The following FBXO31 variants were observed in gnomAD, a reference collection of about 807,000 sequenced individuals.
FBXO31 encodes the protein F-box only protein 31.
FBXO31 carries 24 observed loss-of-function variants against 54.4 expected under a neutral mutation model. The observed-to-expected ratio is 0.44, with a 90% CI of 0.32 to 0.62. FBXO31 has a LOEUF of 0.62. Among genes scored for constraint, FBXO31 ranks in the 20% least tolerant of loss-of-function variants. The pLI, the probability that FBXO31 is intolerant of heterozygous loss-of-function variation, is 0.05. For missense variants in FBXO31, 665 were observed against 787.1 expected, an observed-to-expected ratio of 0.84 and a Z score of 1.86; for synonymous variants, 388 against 335.6, an observed-to-expected ratio of 1.16 and a Z score of -1.71.
intron 8 of FBXO31, among the ~76,000 whole-genome samples, chr16:87,332,035 C>A (rs903384500): frequency 3.3e-5 from 5 of 152,222 alleles, no homozygotes; most frequent in Non-Finnish European, 5.9e-5. Flanking sequence ...CAACATCAGA[C>A]AGGAAGACAC....
chr16:87,360,398 A>T, intron 1 of FBXO31, 32 bp from the exon 2 acceptor site: 4 of 1,604,248 alleles, frequency 2.5e-6, no homozygotes, highest in Non-Finnish European at 2.6e-6. Flanking sequence ...GAAATTTAAG[A>T]TCAACAACTC....
At chr16:87,348,253 C>T (rs1160154603) in intron 2 of FBXO31, among the ~76,000 whole-genome samples, 1 of 152,224 alleles carries the variant, frequency 6.6e-6, no homozygotes, top group Non-Finnish European at 1.5e-5. Context: ...CCATCAGCCT[C>T]AGCCTCCCAG....
rs904013823 is a variant in FBXO31, at chr16:87,346,989, A to T, written c.489+185T>A. 6.6e-6 allele frequency among the ~76,000 whole-genome samples: 1 copy of T among 152,250 alleles called. No homozygotes were observed. Among genetic ancestry groups the T allele is most frequent in the Non-Finnish European group, 1.5e-5 (1 of 68,042 alleles). The stretch of plus-strand genomic sequence containing the variant: ...CAAGGCCGAAGTGTTGCTCTAAGCA[A>T]ACCTTTGCTCATTTGGAAAATAAAA... On this transcript the variant is annotated intron_variant, in intron 3 of 8. Transcript: ENST00000311635. This position sits in a 1 kb window ranked among gnomAD's most constrained non-coding sequence, Gnocchi z 4.2.
At chr16:87,344,696 C>T (rs979255420) in intron 3 of FBXO31, among the ~76,000 whole-genome samples, 1 of 152,122 alleles carries the variant, frequency 6.6e-6, no homozygotes, top group Non-Finnish European at 1.5e-5. Context: ...TACCCTTCCT[C>T]CACTAAAAGA....
At chr16:87,342,668 A>T (rs1318337989) in intron 5 of FBXO31, among the ~76,000 whole-genome samples, 1 of 152,110 alleles carries the variant, frequency 6.6e-6, no homozygotes, top group Non-Finnish European at 1.5e-5. Context: ...CTGCAGGGGG[A>T]GGGGACCGGC....
chr16:87,332,907 C>A (rs182883704), intron 8 of FBXO31, among the ~76,000 whole-genome samples: 1 of 152,182 alleles, frequency 6.6e-6, no homozygotes. Context: ...ACAGGCGGAC[C>A]CTCAAAACAG....
intron 1 of FBXO31, among the ~76,000 whole-genome samples, chr16:87,378,184 G>C (rs1906913802): frequency 6.7e-6 from 1 of 150,126 alleles, no homozygotes; most frequent in Non-Finnish European, 1.5e-5. Flanking sequence ...AACAAAACCA[G>C]AAATCTATCC....
upstream of FBXO31, among the ~76,000 whole-genome samples, chr16:87,384,782 C>T (rs947233106): frequency 6.6e-6 from 1 of 152,254 alleles, no homozygotes; most frequent in Non-Finnish European, 1.5e-5. Flanking sequence ...ATCGCTTGAT[C>T]CCAGGAGGCC....
Position 87,383,423 on chromosome 16 carries a change from T to C in FBXO31, c.322A>G (p.Arg108Gly). 6.6e-7 allele frequency: 1 copy of C among 1,525,364 alleles called. No homozygotes were observed. Among genetic ancestry groups the C allele is most frequent in the Non-Finnish European group, 8.8e-7 (1 of 1,134,728 alleles). 94.5% of individuals were successfully genotyped at this position (1,525,364 alleles called of 1,614,324 possible). ...RRILHTDTIW[R>G]RRCREEYGVC... is the part of the protein sequence containing the mutation. ...CGCTCACCCTCACGGCAACGCCTCC[T>C]CCAGATGGTGTCGGTGTGGAGGATG... is the stretch of plus-strand genomic sequence containing the variant. The change falls in exon 1 of 9, where the codon AGG (arginine) becomes GGG (glycine). Residue 108 changes from arginine (R) to glycine (G), a missense_variant. This residue lies in a region of FBXO31 where 195 missense variants were observed against 174.8 expected (regional missense o/e 1.12). Transcript: ENST00000311635. This position sits in a 1 kb window ranked among gnomAD's most constrained non-coding sequence, Gnocchi z 4.9.
chr16:87,369,154 T>C (rs914962266), intron 1 of FBXO31, among the ~76,000 whole-genome samples: 4 of 152,142 alleles, frequency 2.6e-5, no homozygotes, highest in African/African-American at 7.2e-5. Context: ...GATTGGAATA[T>C]GTGAAGTGGC....
intron 1 of FBXO31, among the ~76,000 whole-genome samples, chr16:87,365,110 G>A (rs1357408079): frequency 1.4e-5 from 2 of 143,676 alleles, no homozygotes; most frequent in African/African-American, 5.2e-5. Context: ...ATGACAGAAA[G>A]AGAAAACCAA....
chr16:87,344,945 C>G, intron 3 of FBXO31, among the ~76,000 whole-genome samples: 1 of 149,574 alleles, frequency 6.7e-6, no homozygotes, highest in Admixed American at 6.6e-5. Context: ...CCCATCCCTG[C>G]CCCAAACCCC....
At chr16:87,348,612 C>T (rs907246775) in intron 2 of FBXO31, among the ~76,000 whole-genome samples, 2 of 152,192 alleles carry the variant, frequency 1.3e-5, no homozygotes, top group African/African-American at 2.4e-5. Flanking sequence ...CTCCCCATCA[C>T]GGTCACCAAA....
At position 87,383,315 on chromosome 16, in the gene FBXO31, G is replaced by C; in HGVS notation, c.340+90C>G. 6 of 1,244,774 alleles carry C rather than the reference G, an allele frequency of 4.8e-6. No individual in the cohort carries two copies. Among genetic ancestry groups the C allele is most frequent in the Non-Finnish European group, 6.4e-6 (6 of 940,140 alleles). 77.1% of individuals were successfully genotyped at this position (1,244,774 alleles called of 1,614,324 possible). A position where few individuals can be genotyped will look rare whatever the true frequency, so the allele number is the denominator to read the frequency against. On this transcript the variant is annotated intron_variant, in intron 1 of 8. Transcript: ENST00000311635. This position sits in a 1 kb window ranked among gnomAD's most constrained non-coding sequence, Gnocchi z 4.9. ...GCGCCCAACTGGTGGCCCCCGGCCGGGGCCACCGCCCCCGCCACTCCCAGC... is the reference window on the plus strand; with the variant it reads ...GCGCCCAACTGGTGGCCCCCGGCCGCGGCCACCGCCCCCGCCACTCCCAGC...
chr16:87,374,904 T>C (rs1453593803), intron 1 of FBXO31, among the ~76,000 whole-genome samples: 2 of 152,212 alleles, frequency 1.3e-5, no homozygotes, highest in Non-Finnish European at 2.9e-5. Flanking sequence ...CAGTGCCGAC[T>C]GGGCGTAATG....
intron 1 of FBXO31, among the ~76,000 whole-genome samples, chr16:87,360,596 T>C (rs924079222): frequency 1.3e-5 from 2 of 152,248 alleles, no homozygotes; most frequent in African/African-American, 4.8e-5. Flanking sequence ...TACAAAATAA[T>C]AATCTGCAAT....
intron 3 of FBXO31, among the ~76,000 whole-genome samples, chr16:87,344,787 C>T (rs529988542): frequency 2.0e-5 from 3 of 152,332 alleles, no homozygotes; most frequent in South Asian, 4.1e-4. Flanking sequence ...CTGGAGCACG[C>T]GACGCCCAAC....
In FBXO31 at chr16:87,331,401, G is replaced by C. The variant is rs1243958041; in HGVS notation, c.1507C>G (p.Leu503Val). ...EDRFGFVWLE[L>V]KSFSLYSRVQ... ...CGGCTGTACAGGCTGAAGGATTTCA[G>C]CTCCAGCCAGACGAACCCGAAGCGG... is the stretch of plus-strand genomic sequence containing the variant. Residue 503 changes from leucine (L) to valine (V), a missense_variant, in exon 9 of 9, where the codon CTG becomes GTG. By Grantham distance (32) the Leu-to-Val change is conservative (BLOSUM62 1). Around this residue, in one of 4 missense-constraint regions of FBXO31, gnomAD observed 71 missense variants for 105.8 expected, o/e 0.67. Transcript: ENST00000311635. The C allele has an allele frequency of 1.2e-6, 2 of 1,613,906 alleles. No homozygotes were observed. The highest frequency in any genetic ancestry group is 2.2e-5 in the South Asian group (2 of 91,080).
At position 87,327,788 on chromosome 16, in the gene FBXO31, T is replaced by A. The variant is rs1214820461; in HGVS notation, c.*3500A>T. 1 of 152,238 alleles carries A rather than the reference T, an allele frequency of 6.6e-6. No homozygotes were observed. Among genetic ancestry groups the A allele is most frequent in the Non-Finnish European group, 1.5e-5 (1 of 68,058 alleles). The allele number at this position is 152,238 out of a possible 1,614,324, so 9.4% of individuals were successfully genotyped here. A position where few individuals can be genotyped will look rare whatever the true frequency, so the allele number is the denominator to read the frequency against. ...AGAAGTACAGACAGGTTGGGCCACG[T>A]TAACACTGGACTTGATCATGATTCC... is the stretch of plus-strand genomic sequence containing the variant. On this transcript the variant is annotated 3_prime_UTR_variant, in exon 9 of 9. Transcript: ENST00000311635.
Sources: gnomAD v4.1 joint callset for allele counts (sites outside exome capture counted in the v4.1 genomes callset) on GRCh38, gnomAD v4.1.1 for gene constraint, gnomAD v4.1.1 regional missense constraint, Gnocchi (gnomAD v3.1) non-coding constraint, MANE v1.5 for transcripts, NCBI Gene and HGNC (gene_info 2026-07-23, HGNC 2026-07-21) for gene names.